PTGER4: variants seen among roughly 807,000 people sequenced by gnomAD.
The protein encoded by PTGER4 is prostaglandin E2 receptor EP4 subtype.
In PTGER4, 11 loss-of-function variants were observed where a neutral mutation model predicts 33.2. The observed-to-expected ratio is 0.33, with a 90% CI of 0.21 to 0.55. The LOEUF is 0.55. Ranked by LOEUF, PTGER4 falls within the 20% of genes least tolerant of loss-of-function variation. PTGER4 has a pLI of 0.92. For missense variants in PTGER4, 481 were observed against 650.2 expected (o/e 0.74, Z 2.83); for synonymous variants, 275 against 281.5 (o/e 0.98, Z 0.23).
chr5:40,721,263 C>A, the PTGER4 span, among the ~76,000 whole-genome samples: 1 of 152,098 alleles, frequency 6.6e-6, no homozygotes, highest in Non-Finnish European at 1.5e-5. Flanking sequence ...TTGCTATCAC[C>A]CCTTCCCTGA....
At chr5:40,735,895 G>T in the PTGER4 span, among the ~76,000 whole-genome samples, 1 of 152,218 alleles carries the variant, frequency 6.6e-6, no homozygotes, top group Non-Finnish European at 1.5e-5. Flanking sequence ...GATTCATGGG[G>T]ACAGAAATAT....
chr5:40,697,457 T>C (rs1011153768), downstream of PTGER4, among the ~76,000 whole-genome samples: 3 of 151,586 alleles, frequency 2.0e-5, no homozygotes, highest in African/African-American at 7.3e-5. Context: ...TGGTGGCGCA[T>C]GCCTGTAATC....
chr5:40,697,241 A>G (rs1331792137), downstream of PTGER4, among the ~76,000 whole-genome samples: 16 of 45,228 alleles, frequency 3.5e-4, no homozygotes, highest in African/African-American at 9.4e-4. Context: ...AAAGAAAGAA[A>G]GAAAGAAAGA....
the PTGER4 span, among the ~76,000 whole-genome samples, chr5:40,746,385 T>A: frequency 6.6e-6 from 1 of 151,288 alleles, no homozygotes; most frequent in African/African-American, 2.5e-5. Context: ...AAATACCTAT[T>A]TTTTTTTATG....
chr5:40,728,200 C>T, the PTGER4 span: 2 of 551,948 alleles, frequency 3.6e-6, no homozygotes, highest in South Asian at 5.7e-5. Context: ...AGGAGAATCG[C>T]TTGAACCCAG....
downstream of PTGER4, chr5:40,696,767 A>C: frequency 1.1e-6 from 1 of 915,598 alleles, no homozygotes. Flanking sequence ...CAATTAGGTA[A>C]GTATTTCTCT....
In PTGER4 at chr5:40,692,228, C is replaced by G. The variant is rs758592525; in HGVS notation, c.1317C>G (p.Thr439=). 1.2e-6 allele frequency: 2 copies of G among 1,614,216 alleles called. No homozygotes were observed. Among genetic ancestry groups the G allele is most frequent in the South Asian group, 2.2e-5 (2 of 91,086 alleles). Residue 439 remains threonine (T), a synonymous_variant, in exon 3 of 3, where the codon ACC becomes ACG. Transcript: ENST00000302472. ...TSLRTLRISE[T]SDSSQGQDSE... ...TGAGGACTTTGCGAATATCAGAGAC[C>G]TCAGACTCTTCACAGGGTCAGGACT...
the PTGER4 span, among the ~76,000 whole-genome samples, chr5:40,729,329 G>T: frequency 7.6e-4 from 115 of 152,278 alleles, no homozygotes; most frequent in African/African-American, 2.6e-3. Context: ...ATATTTGTTA[G>T]GTGTGCAGAT....
the PTGER4 span, among the ~76,000 whole-genome samples, chr5:40,722,823 G>A: frequency 6.6e-6 from 1 of 150,784 alleles, no homozygotes; most frequent in East Asian, 2.0e-4. Context: ...GGTGGGGGGC[G>A]CAGCCCCCAC....
chr5:40,709,891 G>T, the PTGER4 span, among the ~76,000 whole-genome samples: 45 of 152,344 alleles, frequency 3.0e-4, no homozygotes, highest in African/African-American at 9.6e-4. Flanking sequence ...AGCTGAAACT[G>T]GATCCCTTCC....
chr5:40,696,105 G>A (rs189238233), downstream of PTGER4, among the ~76,000 whole-genome samples: 1 of 152,182 alleles, frequency 6.6e-6, no homozygotes, highest in African/African-American at 2.4e-5. Context: ...ATGGTACTTT[G>A]ACCAAGGGAC....
chr5:40,696,857 G>C (rs1741591159), downstream of PTGER4: 2 of 360,974 alleles, frequency 5.5e-6, no homozygotes, highest in Non-Finnish European at 7.7e-6. Context: ...AGAACTCAAG[G>C]CAACAGCTCT....
At chr5:40,727,983 AAAAATATGTC>A in the PTGER4 span, among the ~76,000 whole-genome samples, 1 of 152,102 alleles carries the variant, frequency 6.6e-6, no homozygotes, top group Non-Finnish European at 1.5e-5. Context: ...TCAGTTAATC[AAAAATATGTC>A]AAAATAGACT....
At chr5:40,704,794 A>G in the PTGER4 span, among the ~76,000 whole-genome samples, 1 of 152,202 alleles carries the variant, frequency 6.6e-6, no homozygotes, top group Admixed American at 6.5e-5. Flanking sequence ...TACAATGAGA[A>G]TTACAAAACA....
At chr5:40,727,412 G>A in the PTGER4 span, among the ~76,000 whole-genome samples, 1 of 152,252 alleles carries the variant, frequency 6.6e-6, no homozygotes, top group East Asian at 1.9e-4. Context: ...AAAAACAACA[G>A]GACAGCTGTC....
In PTGER4 at chr5:40,692,497, T is replaced by A; in HGVS notation, c.*119T>A. The A allele has an allele frequency of 4.0e-6, 6 of 1,484,138 alleles. No individual in the cohort carries two copies. The highest frequency in any genetic ancestry group is 5.3e-6 in the Non-Finnish European group (6 of 1,125,428). The allele number at this position is 1,484,138 out of a possible 1,614,324, so 91.9% of individuals were successfully genotyped here. On this transcript the variant is annotated 3_prime_UTR_variant, in exon 3 of 3. Transcript: ENST00000302472. ...GCTATCATCATCCTACAACTCACAT[T>A]AGAGAACATCCTGGCTTTTGAGCAC...
At chr5:40,684,120 A>AC (rs1220263752) in intron 2 of PTGER4, among the ~76,000 whole-genome samples, 152 of 19,558 alleles carry the variant, frequency 7.8e-3, no homozygotes, top group East Asian at 0.053. Context: ...TATGCCACCC[A>AC]CCCACCCCCC....
At chr5:40,723,726 G>A in the PTGER4 span, among the ~76,000 whole-genome samples, 15 of 152,116 alleles carry the variant, frequency 9.9e-5, no homozygotes, top group East Asian at 2.7e-3. Context: ...TTAGCCAGGC[G>A]TGGTGATGGG....
At chr5:40,707,357 G>GA in the PTGER4 span, among the ~76,000 whole-genome samples, 1 of 151,532 alleles carries the variant, frequency 6.6e-6, no homozygotes, top group Non-Finnish European at 1.5e-5. Context: ...AAATGGAAAA[G>GA]AAAAAAAGGC....
Sources: allele counts gnomAD v4.1 joint callset (sites outside exome capture counted in the v4.1 genomes callset), GRCh38; gene constraint gnomAD v4.1.1; transcripts MANE v1.5; gene names NCBI Gene and HGNC (gene_info 2026-07-23, HGNC 2026-07-21).